The following PARVB variants were observed in gnomAD, a reference collection of about 807,000 sequenced individuals.
PARVB encodes parvin beta, also known as beta-parvin.
In PARVB, 46 loss-of-function variants were observed where a neutral mutation model predicts 47.0. The observed-to-expected ratio is 0.98, with a 90% CI of 0.77 to 1.25. PARVB has a LOEUF of 1.25. Ranked by LOEUF, PARVB falls within the 50% of genes most tolerant of loss-of-function variation. The pLI, the probability that PARVB is intolerant of heterozygous loss-of-function variation, is 0.00. For missense variants in PARVB, 473 were observed against 471.6 expected (o/e 1.00, Z -0.03); for synonymous variants, 196 against 196.3 (o/e 1.00, Z 0.01).
chr22:44,127,643 G>A (rs560918371), intron 4 of PARVB, among the ~76,000 whole-genome samples: 1 of 151,138 alleles, frequency 6.6e-6, no homozygotes, highest in African/African-American at 2.5e-5. Flanking sequence ...CACAAGGGAG[G>A]GGGAGCCAGA....
chr22:44,077,375 G>A (rs1418152778), intron 1 of PARVB, among the ~76,000 whole-genome samples: 5 of 152,146 alleles, frequency 3.3e-5, no homozygotes, highest in African/African-American at 1.2e-4. Context: ...CCTGTCATTG[G>A]ATTAGGGCCC....
At chr22:44,069,554 G>T (rs1049484570) in intron 1 of PARVB, among the ~76,000 whole-genome samples, 2 of 151,984 alleles carry the variant, frequency 1.3e-5, no homozygotes, top group Middle Eastern at 6.8e-3. Flanking sequence ...CTGAGATGGA[G>T]TCTTGCTCTT....
At chr22:44,029,778 C>T (rs553172032) in intron 1 of PARVB, among the ~76,000 whole-genome samples, 13 of 152,062 alleles carry the variant, frequency 8.5e-5, no homozygotes, top group Non-Finnish European at 4.4e-5. Context: ...GGCGTGGTGG[C>T]ACACACCTGT....
chr22:44,030,591 C>T (rs1228136863), intron 1 of PARVB, among the ~76,000 whole-genome samples: 5 of 151,728 alleles, frequency 3.3e-5, no homozygotes, highest in South Asian at 2.1e-4. Flanking sequence ...GGGGGAACGG[C>T]GGGGAGGCAG....
intron 12 of PARVB, among the ~76,000 whole-genome samples, chr22:44,167,550 C>G (rs537278833): frequency 5.3e-5 from 8 of 152,168 alleles, no homozygotes; most frequent in Middle Eastern, 3.4e-3. Context: ...CCCCTGGGAG[C>G]TCCTCTGTCC....
At position 44,089,736 on chromosome 22, in the gene PARVB, T is replaced by C. The variant is rs985702529; in HGVS notation, c.113-4192T>C. On this transcript the variant is annotated intron_variant, in intron 1 of 12. Coordinates refer to ENST00000338758, the MANE Select transcript of PARVB (RefSeq NM_013327.5). This position sits in a 1 kb window ranked among gnomAD's most constrained non-coding sequence, Gnocchi z 4.0. ...TGCAAGTTCTTCTGCAAAGGAGCTG[T>C]GTCCATAAGGGAACCCAGGCTGCAA... 1.3e-5 allele frequency among the ~76,000 whole-genome samples: 2 copies of C among 152,160 alleles called. No homozygotes were observed. Among genetic ancestry groups the C allele is most frequent in the Non-Finnish European group, 2.9e-5 (2 of 68,042 alleles).
intron 1 of PARVB, among the ~76,000 whole-genome samples, chr22:44,056,193 C>T (rs1226576055): frequency 1.3e-5 from 2 of 152,254 alleles, no homozygotes; most frequent in Non-Finnish European, 2.9e-5. Flanking sequence ...AGCTTTGGGG[C>T]ACAGCCCCAT....
chr22:44,128,991 T>A (rs1327877601), intron 4 of PARVB, among the ~76,000 whole-genome samples: 1 of 152,148 alleles, frequency 6.6e-6, no homozygotes, highest in Non-Finnish European at 1.5e-5. Context: ...GGCAGGAGGA[T>A]CGCTTGAACC....
intron 4 of PARVB, among the ~76,000 whole-genome samples, chr22:44,121,102 A>C (rs189137356): frequency 3.0e-4 from 45 of 152,146 alleles, no homozygotes; most frequent in African/African-American, 9.9e-4. Context: ...CAGCCTCCCA[A>C]AGTGCTGGGA....
chr22:44,155,551 G>A lies in PARVB; in HGVS notation c.844-2431G>A, dbSNP rs1022018570. 2.0e-4 allele frequency among the ~76,000 whole-genome samples: 31 copies of A among 152,146 alleles called. No homozygotes were observed. The highest frequency in any genetic ancestry group is 6.5e-4 in the African/African-American group (27 of 41,432). On this transcript the variant is annotated intron_variant, in intron 10 of 12. Transcript: ENST00000338758. The surrounding 1 kb of genome is among the most constrained non-coding windows in gnomAD (Gnocchi z 4.8). ...CAGGCTCAGGGCCTGCGGGAGCAGC[G>A]GCGTGGCCACCCCAGACCTCCTGGG... is the stretch of plus-strand genomic sequence containing the variant.
chr22:44,085,334 A>C lies in PARVB; in HGVS notation c.113-8594A>C, dbSNP rs147138569. 7.2e-3 allele frequency among the ~76,000 whole-genome samples: 1,089 copies of C among 152,086 alleles called. 21 individuals are homozygous for C. The highest frequency in any genetic ancestry group is 0.025 in the African/African-American group (1,033 of 41,460). On this transcript the variant is annotated intron_variant, in intron 1 of 12. Coordinates refer to ENST00000338758, the MANE Select transcript of PARVB (RefSeq NM_013327.5). ...TTTTTCTTTTTAATTTTTTGAGACAAGATCTGGCTCTGTCACCCAGGCTGG... is the reference window on the plus strand; with the variant it reads ...TTTTTCTTTTTAATTTTTTGAGACACGATCTGGCTCTGTCACCCAGGCTGG...
chr22:44,029,591 C>G (rs889112640), intron 1 of PARVB, among the ~76,000 whole-genome samples: 5 of 151,894 alleles, frequency 3.3e-5, no homozygotes, highest in Non-Finnish European at 5.9e-5. Flanking sequence ...GCCTGGCCAA[C>G]GTGGGGAAAC....
intron 1 of PARVB, among the ~76,000 whole-genome samples, chr22:44,041,467 G>C (rs1485848951): frequency 2.0e-5 from 3 of 152,162 alleles, no homozygotes; most frequent in African/African-American, 7.2e-5. Flanking sequence ...ACTCCGGCCA[G>C]GGTGACAGAG....
rs951744574 is a variant in PARVB, at chr22:44,164,489, T to A, written c.1018+559T>A. 2.0e-5 allele frequency among the ~76,000 whole-genome samples: 3 copies of A among 149,426 alleles called. No individual in the cohort carries two copies. The Admixed American group carries it at 2.0e-4, about 10-fold the overall frequency. The stretch of plus-strand genomic sequence containing the variant: ...GAGCATCACAGTTCCCCAAACACAC[T>A]TCCTAGGTGTTTGGGGACAGCCAGG... On this transcript the variant is annotated intron_variant, in intron 12 of 12. Transcript: ENST00000338758.
chr22:44,039,745 C>T (rs552930638), intron 1 of PARVB: 4 of 400,340 alleles, frequency 1.0e-5, no homozygotes, highest in East Asian at 1.6e-4. Flanking sequence ...GGAAATCACC[C>T]GAGACTCTCA....
rs1217129628 is a variant in PARVB at position 44,155,691 on chromosome 22, G to A, written c.844-2291G>A. 7.2e-5 allele frequency among the ~76,000 whole-genome samples: 11 copies of A among 152,258 alleles called. No homozygotes were observed. The highest frequency in any genetic ancestry group is 2.2e-4 in the African/African-American group (9 of 41,544). On this transcript the variant is annotated intron_variant, in intron 10 of 12. Transcript: ENST00000338758. The surrounding 1 kb of genome is among the most constrained non-coding windows in gnomAD (Gnocchi z 4.8). ...TGTTCTGCTGGGAAGGTGCCAGCAC[G>A]CTTAACCAGGGTGCTGTGGGCATGA...
chr22:44,076,975 G>A (rs2051789245), intron 1 of PARVB, among the ~76,000 whole-genome samples: 1 of 152,200 alleles, frequency 6.6e-6, no homozygotes, highest in Non-Finnish European at 1.5e-5. Flanking sequence ...ATCACATGAT[G>A]TGTGGCCTGG....
At chr22:44,090,073 T>C (rs916003651) in intron 1 of PARVB, among the ~76,000 whole-genome samples, 1 of 152,228 alleles carries the variant, frequency 6.6e-6, no homozygotes, top group Non-Finnish European at 1.5e-5. Flanking sequence ...TTGTGGGCCA[T>C]GTGTGGGTGC....
At chr22:44,000,837 T>C (rs2146839258) in intron 2 of PARVB, among the ~76,000 whole-genome samples, 1 of 152,370 alleles carries the variant, frequency 6.6e-6, no homozygotes, top group Middle Eastern at 3.4e-3. Flanking sequence ...GGCACTGTGA[T>C]TGGATTGTTT....
Sources: allele counts gnomAD v4.1 joint callset (sites outside exome capture counted in the v4.1 genomes callset), GRCh38; gene constraint gnomAD v4.1.1; non-coding constraint Gnocchi (gnomAD v3.1); transcripts MANE v1.5; gene names NCBI Gene and HGNC (gene_info 2026-07-23, HGNC 2026-07-21).